The following PARD3B variants were observed in gnomAD, a reference collection of about 807,000 sequenced individuals.
The protein encoded by PARD3B is partitioning defective 3 homolog B.
A neutral mutation model predicts 130.2 loss-of-function variants in PARD3B; 103 were observed. That is an observed-to-expected ratio of 0.79 (90% CI 0.67 to 0.93). The LOEUF (loss-of-function observed/expected upper bound fraction) is 0.93. PARD3B is among the 40% of genes least tolerant of loss of function. The probability of loss-of-function intolerance (pLI) is 0.00; values close to 1 mark genes in which losing one functional copy is unlikely to be tolerated. For synonymous variants in PARD3B, 583 were observed against 553.2 expected, an observed-to-expected ratio of 1.05 and a Z score of -0.76; for missense variants, 1,609 against 1,499.2, an observed-to-expected ratio of 1.07 and a Z score of -1.21.
chr2:205,152,560 T>G (rs538333864), intron 10 of PARD3B, among the ~76,000 whole-genome samples: 2 of 152,352 alleles, frequency 1.3e-5, no homozygotes, highest in African/African-American at 4.8e-5. Flanking sequence ...TACTGAAGCT[T>G]GTGCATGTGT....
intron 2 of PARD3B, among the ~76,000 whole-genome samples, chr2:204,790,161 T>A (rs182067580): frequency 6.6e-6 from 1 of 152,276 alleles, no homozygotes; most frequent in African/African-American, 2.4e-5. Flanking sequence ...TAAGCCACCA[T>A]GCCCAGCCTC....
intron 15 of PARD3B, among the ~76,000 whole-genome samples, chr2:205,206,216 C>CTTT (rs201694463): frequency 7.0e-5 from 9 of 127,874 alleles, no homozygotes; most frequent in Admixed American, 2.4e-4. Flanking sequence ...TTTTTTTTTT[C>CTTT]TTTTTTTTTT....
chr2:205,152,075 G>A (rs977851105), intron 10 of PARD3B, among the ~76,000 whole-genome samples: 5 of 152,178 alleles, frequency 3.3e-5, no homozygotes, highest in African/African-American at 1.2e-4. Flanking sequence ...CTTTAAGAAT[G>A]TTGAATATTG....
In PARD3B at chr2:205,300,609, C is replaced by T. The variant is rs764492769; in HGVS notation, c.2265C>T (p.Ala755=). 1.9e-6 allele frequency: 3 copies of T among 1,613,864 alleles called. No homozygotes were observed. The highest frequency in any genetic ancestry group is 1.1e-5 in the South Asian group (1 of 91,076). ...SSLESLQTAV[A]EVRKNDLPFH... is the part of the protein sequence containing the mutation. The stretch of plus-strand genomic sequence containing the variant: ...TGGAGAGTCTGCAGACTGCAGTGGC[C>T]GAGGTCAGGAAGAATGACCTTCCCT... Residue 755 remains alanine (A), a synonymous_variant, in exon 17 of 23, where the codon GCC becomes GCT. Transcript: ENST00000406610. The surrounding 1 kb of genome is among the most constrained non-coding windows in gnomAD (Gnocchi z 4.1).
chr2:204,911,457 T>C (rs1219103608), intron 2 of PARD3B, among the ~76,000 whole-genome samples: 2 of 152,200 alleles, frequency 1.3e-5, no homozygotes, highest in Non-Finnish European at 2.9e-5. Flanking sequence ...TTTTAGTTTA[T>C]ATATCATTTT....
chr2:204,678,759 A>G lies in PARD3B; in HGVS notation c.121-7422A>G, dbSNP rs184554462. On this transcript the variant is annotated intron_variant, in intron 1 of 22. Transcript: ENST00000406610. This position sits in a 1 kb window ranked among gnomAD's most constrained non-coding sequence, Gnocchi z 4.2. ...AGATACGGAGGCTGGGTGGGCCAAA[A>G]AGTAGCATTTGAGCTGGAAAACGGA... 7.9e-5 allele frequency among the ~76,000 whole-genome samples: 12 copies of G among 152,152 alleles called. No individual in the cohort carries two copies. In the South Asian group the frequency reaches 1.7e-3, roughly 21 times the overall value.
rs576260672 is a variant in PARD3B, at chr2:204,710,400, G to A, written c.222+24118G>A. Among the ~76,000 whole-genome samples the A allele has an allele frequency of 8.5e-5, 13 of 152,352 alleles. No individual in the cohort carries two copies. The South Asian group carries it at 2.1e-3, about 24-fold the overall frequency. ...GATCCCTTGATGTCTGTTAAAGTAC[G>A]TTTAAATTCTTTGCCCTGGGAGGAA... On this transcript the variant is annotated intron_variant, in intron 2 of 22. Coordinates refer to ENST00000406610, the MANE Select transcript of PARD3B (RefSeq NM_001302769.2).
intron 10 of PARD3B, among the ~76,000 whole-genome samples, chr2:205,136,316 A>G (rs1396337615): frequency 1.3e-5 from 2 of 152,108 alleles, no homozygotes; most frequent in South Asian, 2.1e-4. Context: ...TTTCTCAATT[A>G]TATAGAACTT....
intron 2 of PARD3B, among the ~76,000 whole-genome samples, chr2:204,713,608 G>C (rs1430024311): frequency 6.6e-6 from 1 of 151,758 alleles, no homozygotes; most frequent in Non-Finnish European, 1.5e-5. Flanking sequence ...TCCTTTTTGT[G>C]TCTTTGAATT....
At chr2:205,054,436 A>ATATTTTTTTTT (rs1411271901) in intron 4 of PARD3B, among the ~76,000 whole-genome samples, 1 of 28,438 alleles carries the variant, frequency 3.5e-5, no homozygotes, top group African/African-American at 1.5e-4. Context: ...ATATATATAT[A>ATATTTTTTTTT]TTTTTTTTTT....
At chr2:205,041,620 C>G (rs1698402793) in intron 3 of PARD3B, among the ~76,000 whole-genome samples, 1 of 151,966 alleles carries the variant, frequency 6.6e-6, no homozygotes, top group Admixed American at 6.6e-5. Flanking sequence ...CCGTGACCTG[C>G]CCCCCACCCC....
At chr2:204,626,279 C>T (rs1236157288) in intron 1 of PARD3B, among the ~76,000 whole-genome samples, 1 of 152,110 alleles carries the variant, frequency 6.6e-6, no homozygotes, top group African/African-American at 2.4e-5. Context: ...GTACTCTTTT[C>T]CCCTCAAAGT....
At chr2:205,595,100 G>T (rs2054521121) in intron 22 of PARD3B, among the ~76,000 whole-genome samples, 1 of 152,078 alleles carries the variant, frequency 6.6e-6, no homozygotes, top group African/African-American at 2.4e-5. Flanking sequence ...TACACATGAG[G>T]TTATTGAGGC....
At chr2:205,471,448 G>A (rs986800771) in intron 20 of PARD3B, among the ~76,000 whole-genome samples, 3 of 140,246 alleles carry the variant, frequency 2.1e-5, no homozygotes, top group South Asian at 2.2e-4. Context: ...TGCAACCTCT[G>A]CCTCCCAAGT....
chr2:205,609,414 G>A (rs984871063), intron 22 of PARD3B, among the ~76,000 whole-genome samples: 4 of 152,230 alleles, frequency 2.6e-5, no homozygotes, highest in Non-Finnish European at 4.4e-5. Context: ...GCCAGATGTC[G>A]ACTTTCTGCC....
At chr2:205,559,596 CTTTTTTTTTT>C (rs11319522) in intron 22 of PARD3B, among the ~76,000 whole-genome samples, 1 of 72,862 alleles carries the variant, frequency 1.4e-5, no homozygotes, top group African/African-American at 5.0e-5. Context: ...GAAGTCCAGA[CTTTTTTTTTT>C]TTTTTTTTTT....
At chr2:205,400,169 T>C (rs1366272519) in intron 18 of PARD3B, among the ~76,000 whole-genome samples, 1 of 152,190 alleles carries the variant, frequency 6.6e-6, no homozygotes, top group East Asian at 1.9e-4. Flanking sequence ...ATGATAATTC[T>C]TTAGTTTCTC....
chr2:205,548,333 A>G (rs1042477526), intron 21 of PARD3B, among the ~76,000 whole-genome samples: 1 of 152,134 alleles, frequency 6.6e-6, no homozygotes, highest in African/African-American at 2.4e-5. Context: ...ACGATCAGAC[A>G]TCTCCATTGA....
intron 16 of PARD3B, among the ~76,000 whole-genome samples, chr2:205,289,071 G>A (rs535418190): frequency 6.6e-6 from 1 of 152,216 alleles, no homozygotes; most frequent in Non-Finnish European, 1.5e-5. Flanking sequence ...GCTGTCCCTG[G>A]CATGGTTATT....
Sources: allele counts gnomAD v4.1 joint callset (sites outside exome capture counted in the v4.1 genomes callset), GRCh38; gene constraint gnomAD v4.1.1; non-coding constraint Gnocchi (gnomAD v3.1); transcripts MANE v1.5; gene names NCBI Gene and HGNC (gene_info 2026-07-23, HGNC 2026-07-21).